The following DOCK6 variants were observed in gnomAD, a reference collection of about 807,000 sequenced individuals.
DOCK6 encodes dedicator of cytokinesis protein 6.
DOCK6 carries 167 observed loss-of-function variants against 230.3 expected under a neutral mutation model. The ratio of observed to expected loss-of-function variants is 0.73; its 90% CI spans 0.64 to 0.82. The LOEUF (loss-of-function observed/expected upper bound fraction) is 0.82, where lower values mean the gene tolerates loss of function less well. Among genes scored for constraint, DOCK6 ranks in the 40% least tolerant of loss-of-function variants. The pLI is 0.00. For synonymous variants in DOCK6, 1,148 were observed against 1,185.0 expected, an observed-to-expected ratio of 0.97 and a Z score of 0.64; for missense variants, 2,598 against 2,825.8, an observed-to-expected ratio of 0.92 and a Z score of 1.83.
In DOCK6 at chr19:11,248,144, G is replaced by A. The variant is rs772708645; in HGVS notation, c.728C>T (p.Ala243Val). The A allele has an allele frequency of 6.2e-6, 10 of 1,607,276 alleles. No individual in the cohort carries two copies. The Admixed American group carries it at 6.7e-5, about 11-fold the overall frequency. The change falls in exon 7 of 48, where the codon GCC (alanine) becomes GTC (valine). Residue 243 changes from alanine to valine, a missense_variant. Ala to Val is a moderately conservative substitution (Grantham distance 64). Transcript: ENST00000294618. ...TLYPAPDEDE[A>V]VERCSRPEPP... ...CTCTGGGCGGCTACAGCGTTCCACGGCTTCATCCTGCCAAGAGTGGGGGGT... is the reference window on the plus strand; with the variant it reads ...CTCTGGGCGGCTACAGCGTTCCACGACTTCATCCTGCCAAGAGTGGGGGGT...
At chr19:11,262,260 C>G in intron 1 of DOCK6, 137 bp downstream of exon 1, 1 of 534,064 alleles carries the variant, frequency 1.9e-6, no homozygotes. Context: ...CCAGCCCCGG[C>G]CGGAGGAAGC....
At chr19:11,214,002 C>CG (rs371638112) in intron 34 of DOCK6, among the ~76,000 whole-genome samples, 304 of 151,662 alleles carry the variant, frequency 2.0e-3, no homozygotes, top group African/African-American at 6.5e-3. Flanking sequence ...AGGCTGGTCT[C>CG]GAACTCCTAG....
At chr19:11,219,616 G>C (rs934652817) in intron 28 of DOCK6, among the ~76,000 whole-genome samples, 12 of 151,560 alleles carry the variant, frequency 7.9e-5, no homozygotes, top group African/African-American at 2.9e-4. Context: ...AGTGAAACCT[G>C]TCTCTCCTAA....
intron 9 of DOCK6, 98 bp downstream of exon 9, chr19:11,245,465 T>A (rs927305740): frequency 8.5e-6 from 11 of 1,292,990 alleles, no homozygotes; most frequent in Non-Finnish European, 1.2e-5. Flanking sequence ...CAGCCCTGAT[T>A]ACCCTTCTTG....
Position 11,237,749 on chromosome 19 carries a change from C to T in DOCK6, c.1863G>A (p.Leu621=). ...TCTCTGTCACGCAGGCTGGAAGATG[C>T]AGCTTGAACTCCTCGTAGAACTCGG... ...KSPEFYEEFK[L]HLPACVTENH... is the part of the protein sequence containing the mutation. Residue 621 remains leucine, a synonymous_variant, in exon 17 of 48, where the codon CTG becomes CTA. Coordinates refer to ENST00000294618, the MANE Select transcript of DOCK6 (RefSeq NM_020812.4). The T allele has an allele frequency of 3.2e-6, 5 of 1,575,814 alleles. No homozygotes were observed. Among genetic ancestry groups the T allele is most frequent in the Non-Finnish European group, 3.4e-6 (4 of 1,161,300 alleles).
At chr19:11,255,933 C>T (rs1283082198) in intron 1 of DOCK6, among the ~76,000 whole-genome samples, 1 of 152,020 alleles carries the variant, frequency 6.6e-6, no homozygotes, top group Non-Finnish European at 1.5e-5. Flanking sequence ...ACTACAGGCG[C>T]CCACCACTAC....
chr19:11,253,512 T>A (rs2080152981), intron 2 of DOCK6, 127 bp downstream of exon 2: 1 of 549,468 alleles, frequency 1.8e-6, no homozygotes, highest in African/African-American at 2.0e-5. Context: ...CACTGCTGGG[T>A]CCCTCTCGGT....
chr19:11,214,970 T>C (rs990215752), intron 32 of DOCK6, among the ~76,000 whole-genome samples: 2 of 142,334 alleles, frequency 1.4e-5, no homozygotes, highest in Admixed American at 7.2e-5. Flanking sequence ...TGAGATGGAG[T>C]CTCGCTCTGT....
Position 11,202,687 on chromosome 19 carries a change from C to G in DOCK6, c.5258G>C (p.Arg1753Pro), listed in dbSNP as rs778267289. 6.2e-7 allele frequency: 1 copy of G among 1,614,002 alleles called. No individual in the cohort carries two copies. Among genetic ancestry groups the G allele is most frequent in the Admixed American group, 1.7e-5 (1 of 60,026 alleles). Residue 1753 changes from arginine to proline, a missense_variant, in exon 42 of 48, where the codon CGC becomes CCC. By Grantham distance (103) the Arg-to-Pro change is moderately radical (BLOSUM62 -2). Coordinates refer to ENST00000294618, the MANE Select transcript of DOCK6 (RefSeq NM_020812.4). This position sits in a 1 kb window ranked among gnomAD's most constrained non-coding sequence, Gnocchi z 5.3. ...GAAGTGGGCGCCGTAGAAGCCCACG[C>G]GGAAATACGTCCCGAACACGCGCTG... ...GWERVFGTYF[R>P]VGFYGAHFGD...
intron 28 of DOCK6, among the ~76,000 whole-genome samples, chr19:11,220,542 C>T (rs998922821): frequency 6.6e-6 from 1 of 152,148 alleles, no homozygotes; most frequent in Non-Finnish European, 1.5e-5. Context: ...GATGACATTG[C>T]TTCATCCCTA....
chr19:11,251,145 T>A, intron 5 of DOCK6, 59 bp from the exon 6 acceptor site: 2 of 1,464,440 alleles, frequency 1.4e-6, no homozygotes, highest in Non-Finnish European at 1.9e-6. Context: ...CACCTCACTC[T>A]GGTGAGAGTG....
intron 14 of DOCK6, 178 bp downstream of exon 14, chr19:11,241,867 T>G: frequency 7.9e-7 from 1 of 1,272,132 alleles, no homozygotes. Context: ...TGTAGCCCCA[T>G]TGGGGAGGGG....
Position 11,216,974 on chromosome 19 carries a change from G to A in DOCK6, c.3834C>T (p.Leu1278=), listed in dbSNP as rs536108158. 1.2e-6 allele frequency: 2 copies of A among 1,613,770 alleles called. No individual in the cohort carries two copies. Among genetic ancestry groups the A allele is most frequent in the African/African-American group, 2.7e-5 (2 of 75,066 alleles). The change falls in exon 30 of 48, where the codon CTC becomes CTT. Residue 1278 remains leucine (L), a synonymous_variant. Coordinates refer to ENST00000294618, the MANE Select transcript of DOCK6 (RefSeq NM_020812.4). ...LLQRWATDLT[L]PQLGRLLDLL... ...AATCCAACAGACGTCCCAGCTGGGG[G>A]AGTGTCAGGTCAGTGGCCCAGCGCT...
chr19:11,217,402 A>G lies in DOCK6; in HGVS notation c.3551-11T>C. On this transcript the variant is annotated splice_polypyrimidine_tract_variant and intron_variant, in intron 28 of 47. Transcript: ENST00000294618. ...GCTGACCTGGGCCCTCTGGCAGGGAAAGACAGAGGGAAAGAAAGATAAACC... is the reference window on the plus strand; with the variant it reads ...GCTGACCTGGGCCCTCTGGCAGGGAGAGACAGAGGGAAAGAAAGATAAACC... 6.2e-7 allele frequency: 1 copy of G among 1,611,152 alleles called. No homozygotes were observed. Among genetic ancestry groups the G allele is most frequent in the South Asian group, 1.1e-5 (1 of 90,524 alleles).
Position 11,201,954 on chromosome 19 carries a change from G to A in DOCK6, c.5623C>T (p.Leu1875=). 2 of 1,612,642 alleles carry A rather than the reference G, an allele frequency of 1.2e-6. No individual in the cohort carries two copies. The highest frequency in any genetic ancestry group is 3.3e-5 in the Admixed American group (2 of 59,736). ...ELPEQHKRKT[L]LSTDHAFPYI... Reference sequence around the variant, plus strand: ...GGGAAGGCGTGGTCGGTGCTGAGCAGCGTCTTACGCTTGTGTTGCTCGGGC... The same window carrying A: ...GGGAAGGCGTGGTCGGTGCTGAGCAACGTCTTACGCTTGTGTTGCTCGGGC... Residue 1875 remains leucine, a synonymous_variant, in exon 44 of 48, where the codon CTG becomes TTG. Coordinates refer to ENST00000294618, the MANE Select transcript of DOCK6 (RefSeq NM_020812.4). This position sits in a 1 kb window ranked among gnomAD's most constrained non-coding sequence, Gnocchi z 4.3.
Position 11,259,881 on chromosome 19 carries a change from C to CT in DOCK6, c.44+2515dup, listed in dbSNP as rs1205836383. Among the ~76,000 whole-genome samples, 615 of 67,732 alleles carry CT rather than the reference C, an allele frequency of 9.1e-3. 62 individuals carry two copies. The highest frequency in any genetic ancestry group is 0.033 in the African/African-American group (557 of 16,744). 44.4% of individuals were successfully genotyped at this position (67,732 alleles called of 152,430 possible). On this transcript the variant is annotated intron_variant, in intron 1 of 47. Transcript: ENST00000294618. ...ACAGACCTGGGCCGCCGCGCCCGGC[C>CT]TTTTTTTTTTTTTTTTTTTTGAGAC...
intron 28 of DOCK6, among the ~76,000 whole-genome samples, chr19:11,220,856 G>A (rs555011598): frequency 1.9e-4 from 26 of 139,368 alleles, no homozygotes; most frequent in South Asian, 1.1e-3. Flanking sequence ...ACGGAGTCTC[G>A]CTCTGTCGCC....
chr19:11,233,161 C>T (rs2079794568), intron 22 of DOCK6, 42 bp downstream of exon 22: 2 of 1,600,642 alleles, frequency 1.2e-6, no homozygotes, highest in South Asian at 1.1e-5. Context: ...GTGGCAACCA[C>T]AACCACTGAG....
At chr19:11,239,822 A>T in intron 14 of DOCK6, 1 of 1,604,756 alleles carries the variant, frequency 6.2e-7, no homozygotes, top group South Asian at 1.1e-5. Flanking sequence ...CGGCTGACAA[A>T]GGCCAGGAAC....
Sources: gnomAD v4.1 joint callset for allele counts (sites outside exome capture counted in the v4.1 genomes callset) on GRCh38, gnomAD v4.1.1 for gene constraint, Gnocchi (gnomAD v3.1) non-coding constraint, MANE v1.5 for transcripts, NCBI Gene and HGNC (gene_info 2026-07-23, HGNC 2026-07-21) for gene names.